Variants in CALCOCO1 observed in about 807,000 individuals in gnomAD.
The protein encoded by CALCOCO1 is calcium-binding and coiled-coil domain-containing protein 1.
A neutral mutation model predicts 86.3 loss-of-function variants in CALCOCO1; 44 were observed. That is an observed-to-expected ratio of 0.51 (90% CI 0.40 to 0.66). The LOEUF is 0.66. CALCOCO1 is among the 30% of genes least tolerant of loss of function. The probability of loss-of-function intolerance (pLI) is 0.00; values close to 1 mark genes in which losing one functional copy is unlikely to be tolerated. For synonymous variants in CALCOCO1, 297 were observed against 327.6 expected (o/e 0.91, Z 1.01); for missense variants, 708 against 851.1 (o/e 0.83, Z 2.09).
chr12:53,724,777 T>C (rs1945979050), intron 2 of CALCOCO1, 30 bp from the exon 3 acceptor site: 2 of 1,554,818 alleles, frequency 1.3e-6, no homozygotes. Flanking sequence ...GAGAAAGGTA[T>C]GGTCATGGAA....
rs1291505945 is a variant in CALCOCO1 at position 53,708,604 on chromosome 12, T to G, written c.*3340A>C. 1.3e-5 allele frequency: 2 copies of G among 152,214 alleles called. No homozygotes were observed. The highest frequency in any genetic ancestry group is 2.9e-5 in the Non-Finnish European group (2 of 68,040). The allele number at this position is 152,214 out of a possible 1,614,324, so 9.4% of individuals were successfully genotyped here. ...TATTCATTACATATATTATTTTGTA[T>G]GTATAAAACATTTCATTAAAATAAC... On this transcript the variant is annotated 3_prime_UTR_variant, in exon 15 of 15. Transcript: ENST00000550804.
rs1452399815 is a variant in CALCOCO1, at chr12:53,715,256, TCTC to T, written c.1327_1329del (p.Glu443del). ...GTCTTGAACACTTGGTTTTGGGTCC[TCTC>T]CTCCTGAACTGCCTTCTCCAATCGA... On this transcript the variant is annotated inframe_deletion, in exon 10 of 15. Transcript: ENST00000550804. 1 of 1,614,128 alleles carries T rather than the reference TCTC, an allele frequency of 6.2e-7. No homozygotes were observed. Among genetic ancestry groups the T allele is most frequent in the Non-Finnish European group, 8.5e-7 (1 of 1,180,022 alleles).
rs1002821581 is a variant in CALCOCO1 at position 53,710,678 on chromosome 12, T to A, written c.*1266A>T. ...AGGAATATAAAATCGCCTTTAGAGG[T>A]ATGAGGCTTAGGGCATTTTTTACTA... On this transcript the variant is annotated 3_prime_UTR_variant, in exon 15 of 15. Coordinates refer to ENST00000550804, the MANE Select transcript of CALCOCO1 (RefSeq NM_020898.3). 3.3e-5 allele frequency: 5 copies of A among 151,974 alleles called. No individual in the cohort carries two copies. The highest frequency in any genetic ancestry group is 1.2e-4 in the African/African-American group (5 of 41,272). The allele number at this position is 151,974 out of a possible 1,614,324, so 9.4% of individuals were successfully genotyped here.
chr12:53,719,877 A>T (rs765702455), intron 6 of CALCOCO1, 48 bp from the exon 7 acceptor site: 2 of 1,305,602 alleles, frequency 1.5e-6, no homozygotes, highest in Admixed American at 3.4e-5. Context: ...CACCCAGAGA[A>T]GGAATGGACT....
At chr12:53,712,877 G>T in intron 14 of CALCOCO1, 1 of 1,475,788 alleles carries the variant, frequency 6.8e-7, no homozygotes, top group Non-Finnish European at 9.1e-7. Flanking sequence ...GTTAAAGGCA[G>T]GACCTCTGAG....
chr12:53,715,776 A>AC lies in CALCOCO1; in HGVS notation c.1260+16dup. On this transcript the variant is annotated intron_variant, in intron 9 of 14. Transcript: ENST00000550804. The stretch of plus-strand genomic sequence containing the variant: ...GGCAGTGGCCATCAGATTGCCAGGT[A>AC]CCCCCCATCCCTCTACCTCCACACT... The AC allele has an allele frequency of 1.2e-6, 2 of 1,605,266 alleles. No homozygotes were observed. Among genetic ancestry groups the AC allele is most frequent in the African/African-American group, 2.7e-5 (2 of 74,680 alleles).
intron 4 of CALCOCO1, among the ~76,000 whole-genome samples, chr12:53,723,210 G>C (rs900518687): frequency 1.3e-5 from 2 of 152,180 alleles, no homozygotes; most frequent in African/African-American, 4.8e-5. Flanking sequence ...CTGGGGCCTT[G>C]CCTATCTGCT....
At chr12:53,721,920 T>C (rs754912599) in intron 5 of CALCOCO1, 105 bp downstream of exon 5, 25 of 1,325,788 alleles carry the variant, frequency 1.9e-5, no homozygotes, top group Non-Finnish European at 2.5e-5. Flanking sequence ...GCCAGAACCA[T>C]TGTAAAAGCC....
intron 3 of CALCOCO1, 93 bp downstream of exon 3, chr12:53,724,552 G>T: frequency 2.3e-6 from 2 of 872,932 alleles, no homozygotes; most frequent in Admixed American, 2.0e-5. Flanking sequence ...CTTGTCCTTT[G>T]TGCCTAACTT....
chr12:53,723,917 C>T, intron 3 of CALCOCO1, 134 bp from the exon 4 acceptor site: 2 of 717,422 alleles, frequency 2.8e-6, no homozygotes, highest in South Asian at 1.9e-5. Context: ...TCCTTTCTGC[C>T]TGTCCCTCTC....
intron 12 of CALCOCO1, 95 bp downstream of exon 12, chr12:53,714,038 G>T: frequency 7.6e-7 from 1 of 1,317,754 alleles, no homozygotes. Context: ...ACACATAGAA[G>T]GCAAAGGCAG....
intron 2 of CALCOCO1, 148 bp downstream of exon 2, chr12:53,724,939 G>T: frequency 3.2e-6 from 3 of 927,236 alleles, no homozygotes; most frequent in South Asian, 1.7e-5. Flanking sequence ...TATGTGCTTT[G>T]GTTATACAGG....
At position 53,714,649 on chromosome 12, in the gene CALCOCO1, T is replaced by G; in HGVS notation, c.1431A>C (p.Ser477=). 1 of 1,614,180 alleles carries G rather than the reference T, an allele frequency of 6.2e-7. No individual in the cohort carries two copies. Among genetic ancestry groups the G allele is most frequent in the East Asian group, 2.2e-5 (1 of 44,886 alleles). ...ESKRELTELR[S]ALRVLQKEKE... ...TTTCCTTCTGGAGCACACGCAGGGC[T>G]GACCGCAGCTCTGTCAGCTCCCGCT... is the stretch of plus-strand genomic sequence containing the variant. Residue 477 remains serine (S), a synonymous_variant, in exon 11 of 15, where the codon TCA becomes TCC. Coordinates refer to ENST00000550804, the MANE Select transcript of CALCOCO1 (RefSeq NM_020898.3).
chr12:53,712,204 T>A lies in CALCOCO1; in HGVS notation c.1899-83A>T, dbSNP rs1484446007. The A allele has an allele frequency of 4.0e-6, 5 of 1,263,786 alleles. No homozygotes were observed. The Admixed American group carries it at 1.2e-4, about 30-fold the overall frequency. The allele number at this position is 1,263,786 out of a possible 1,614,324, so 78.3% of individuals were successfully genotyped here. A position where few individuals can be genotyped will look rare whatever the true frequency, so the allele number is the denominator to read the frequency against. ...TGCAGACTTCGGAGAGCAGGACCCA[T>A]GTGCCTGGGTTCCCAGGTTATCCTG... On this transcript the variant is annotated intron_variant, in intron 14 of 14. Transcript: ENST00000550804.
Position 53,711,431 on chromosome 12 carries a change from G to T in CALCOCO1, c.*513C>A. The T allele has an allele frequency of 2.6e-6, 1 of 381,500 alleles. No individual in the cohort carries two copies. The highest frequency in any genetic ancestry group is 4.6e-6 in the Non-Finnish European group (1 of 216,046). 23.6% of individuals were successfully genotyped at this position (381,500 alleles called of 1,614,324 possible). ...TGGGGGAACAGAAAGAGGAACCAAT[G>T]AAACTGAGAACCAAAAGGGACCTGA... On this transcript the variant is annotated 3_prime_UTR_variant, in exon 15 of 15. Coordinates refer to ENST00000550804, the MANE Select transcript of CALCOCO1 (RefSeq NM_020898.3).
At position 53,714,453 on chromosome 12, in the gene CALCOCO1, C is replaced by A. The variant is rs938462070; in HGVS notation, c.1482+145G>T. 2.7e-5 allele frequency: 19 copies of A among 692,440 alleles called. No individual in the cohort carries two copies. The East Asian group carries it at 4.9e-4, about 18-fold the overall frequency. 42.9% of individuals were successfully genotyped at this position (692,440 alleles called of 1,614,324 possible). On this transcript the variant is annotated intron_variant, in intron 11 of 14. Coordinates refer to ENST00000550804, the MANE Select transcript of CALCOCO1 (RefSeq NM_020898.3). ...CTCCCAGAGATCATCCGCTGTCCTG[C>A]CAAATCAGCTAATAAGAGAAGCCAG... is the stretch of plus-strand genomic sequence containing the variant.
intron 2 of CALCOCO1, 91 bp from the exon 3 acceptor site, chr12:53,724,838 G>T: frequency 9.6e-7 from 1 of 1,038,760 alleles, no homozygotes; most frequent in Non-Finnish European, 1.4e-6. Flanking sequence ...AAGGGGGGCA[G>T]GATGGAGCTA....
intron 6 of CALCOCO1, among the ~76,000 whole-genome samples, chr12:53,720,239 T>C (rs553362116): frequency 2.8e-4 from 42 of 152,306 alleles, no homozygotes; most frequent in Admixed American, 5.2e-4. Flanking sequence ...TTGCAGTCCA[T>C]GTGGTCTCTG....
chr12:53,717,389 CT>C (rs1019355575), intron 7 of CALCOCO1, among the ~76,000 whole-genome samples: 1 of 152,194 alleles, frequency 6.6e-6, no homozygotes, highest in African/African-American at 2.4e-5. Context: ...CACGTCACCC[CT>C]GCTTGAAAAA....
Sources: gnomAD v4.1 joint callset for allele counts (sites outside exome capture counted in the v4.1 genomes callset) on GRCh38, gnomAD v4.1.1 for gene constraint, MANE v1.5 for transcripts, NCBI Gene and HGNC (gene_info 2026-07-23, HGNC 2026-07-21) for gene names.